CERS6: variants seen among roughly 807,000 people sequenced by gnomAD.
CERS6 encodes the protein LAG1 homolog, ceramide synthase 6.
A neutral mutation model predicts 56.8 loss-of-function variants in CERS6; 26 were observed. The observed-to-expected ratio is 0.46, with a 90% confidence interval of 0.34 to 0.63. The LOEUF (loss-of-function observed/expected upper bound fraction) is 0.63. Ranked by LOEUF, CERS6 falls within the 30% of genes least tolerant of loss-of-function variation. CERS6 has a pLI of 0.01. For missense variants in CERS6, 415 were observed against 467.5 expected (o/e 0.89, Z 1.04); for synonymous variants, 164 against 173.3 (o/e 0.95, Z 0.42).
At chr2:168,696,951 C>G (rs1007500119) in intron 6 of CERS6, among the ~76,000 whole-genome samples, 4 of 152,176 alleles carry the variant, frequency 2.6e-5, no homozygotes. Flanking sequence ...TAAGCAAAAT[C>G]AGTTCCTTTA....
At position 168,600,190 on chromosome 2, in the gene CERS6, TTCTCTCTC is replaced by T. The variant is rs10651781; in HGVS notation, c.408-30781_408-30774del. Among the ~76,000 whole-genome samples, 9 of 138,054 alleles carry T rather than the reference TTCTCTCTC, an allele frequency of 6.5e-5. No homozygotes were observed. The South Asian group carries it at 9.2e-4, about 14-fold the overall frequency. The allele number at this position is 138,054 out of a possible 152,430, so 90.6% of individuals were successfully genotyped here. On this transcript the variant is annotated intron_variant, in intron 3 of 9. Coordinates refer to ENST00000305747, the MANE Select transcript of CERS6 (RefSeq NM_203463.3). ...CTTATTATGCTGTAAACTACCATAT[TTCTCTCTC>T]TCTCTCTCTCTCTTTTTTTTTTTTT... is the stretch of plus-strand genomic sequence containing the variant.
chr2:168,695,243 G>A (rs771633148), intron 6 of CERS6, among the ~76,000 whole-genome samples, 192 bp downstream of exon 6: 13 of 151,914 alleles, frequency 8.6e-5, no homozygotes, highest in Admixed American at 1.3e-4. Context: ...TTGTTTCTTC[G>A]CTCATCCCCT....
intron 1 of CERS6, among the ~76,000 whole-genome samples, chr2:168,526,751 A>G (rs1197003540): frequency 1.3e-5 from 2 of 152,234 alleles, no homozygotes; most frequent in Non-Finnish European, 2.9e-5. Flanking sequence ...AGATGTTTCC[A>G]CACCCTGTGC....
At chr2:168,757,015 T>C (rs923871771) in intron 8 of CERS6, among the ~76,000 whole-genome samples, 1 of 152,200 alleles carries the variant, frequency 6.6e-6, no homozygotes, top group African/African-American at 2.4e-5. Flanking sequence ...TATTAACTAG[T>C]ATTAATGTTG....
chr2:168,727,846 A>T (rs1014313313), intron 8 of CERS6, among the ~76,000 whole-genome samples: 1 of 152,234 alleles, frequency 6.6e-6, no homozygotes, highest in Non-Finnish European at 1.5e-5. Flanking sequence ...GAAAGATTTG[A>T]AGGATGAAAC....
At chr2:168,686,301 A>G (rs1252996118) in intron 4 of CERS6, among the ~76,000 whole-genome samples, 3 of 151,238 alleles carry the variant, frequency 2.0e-5, no homozygotes, top group African/African-American at 4.9e-5. Flanking sequence ...CACCAACCCT[A>G]TTGGTTTAAG....
chr2:168,565,407 G>A (rs1312487252), intron 3 of CERS6, among the ~76,000 whole-genome samples: 3 of 152,158 alleles, frequency 2.0e-5, no homozygotes, highest in African/African-American at 7.2e-5. Context: ...CACATCCCTG[G>A]TTAAGAAGAA....
chr2:168,480,536 C>A (rs1218286468), intron 1 of CERS6, among the ~76,000 whole-genome samples: 1 of 152,120 alleles, frequency 6.6e-6, no homozygotes, highest in Non-Finnish European at 1.5e-5. Context: ...ATCTTAGTGG[C>A]AGAGCTAGCA....
In CERS6 at chr2:168,501,882, G is replaced by A. The variant is rs147562799; in HGVS notation, c.170+45264G>A. Among the ~76,000 whole-genome samples the A allele has an allele frequency of 3.2e-3, 487 of 152,274 alleles. 2 individuals are homozygous for A. Among genetic ancestry groups the A allele is most frequent in the African/African-American group, 0.01 (436 of 41,554 alleles). ...GATTTTCCTAGGTAGTATTTTGGCCGCCCGCAGACCTGTGGCTTATTGGCA... is the reference window on the plus strand; with the variant it reads ...GATTTTCCTAGGTAGTATTTTGGCCACCCGCAGACCTGTGGCTTATTGGCA... On this transcript the variant is annotated intron_variant, in intron 1 of 9. Coordinates refer to ENST00000305747, the MANE Select transcript of CERS6 (RefSeq NM_203463.3).
chr2:168,648,349 G>T (rs1468267169), intron 4 of CERS6, among the ~76,000 whole-genome samples: 1 of 152,050 alleles, frequency 6.6e-6, no homozygotes, highest in African/African-American at 2.4e-5. Flanking sequence ...TTTTATTTCT[G>T]TGGGGGTCAG....
At chr2:168,687,268 C>T (rs1686376243) in intron 4 of CERS6, among the ~76,000 whole-genome samples, 1 of 152,208 alleles carries the variant, frequency 6.6e-6, no homozygotes, top group Admixed American at 6.5e-5. Context: ...AGAAATAATT[C>T]ATTAATTCAT....
intron 1 of CERS6, among the ~76,000 whole-genome samples, chr2:168,532,212 C>A (rs1013833702): frequency 1.1e-4 from 17 of 152,126 alleles, no homozygotes; most frequent in African/African-American, 4.1e-4. Context: ...CTATCTCTGT[C>A]CCATTCCAGT....
At chr2:168,717,535 C>G (rs769289727) in intron 7 of CERS6, among the ~76,000 whole-genome samples, 4 of 152,190 alleles carry the variant, frequency 2.6e-5, no homozygotes, top group Admixed American at 2.0e-4. Flanking sequence ...CTCTGGCTTG[C>G]TAGTATCATC....
intron 4 of CERS6, among the ~76,000 whole-genome samples, chr2:168,671,346 A>G (rs776243985): frequency 1.3e-5 from 2 of 151,994 alleles, no homozygotes; most frequent in Non-Finnish European, 2.9e-5. Flanking sequence ...TTTTTATACC[A>G]CTTGTTAAAG....
Position 168,535,711 on chromosome 2 carries a change from A to C in CERS6, c.171-11885A>C, listed in dbSNP as rs1695251158. 2.5e-5 allele frequency among the ~76,000 whole-genome samples: 3 copies of C among 118,592 alleles called. No homozygotes were observed. In the Middle Eastern group the frequency reaches 0.017, roughly 666 times the overall value. 77.8% of individuals were successfully genotyped at this position (118,592 alleles called of 152,430 possible). On this transcript the variant is annotated intron_variant, in intron 1 of 9. Transcript: ENST00000305747. ...TTTGAATGAGGATGACCATCTTTTC[A>C]TATGTCTATTGGTCATTTGTTACTT...
rs201345537 is a variant in CERS6, at chr2:168,759,895, G to GTT, written c.846-5696_846-5695insTT. ...TAAAGCCAAAAGCTGTACGTTGTGT[G>GTT]TGTTTTTTTTTGTACATATGTGTTT... On this transcript the variant is annotated intron_variant, in intron 8 of 9. Coordinates refer to ENST00000305747, the MANE Select transcript of CERS6 (RefSeq NM_203463.3). 2.4e-3 allele frequency among the ~76,000 whole-genome samples: 353 copies of GTT among 146,112 alleles called. 1 individual carries two copies. The highest frequency in any genetic ancestry group is 8.5e-3 in the African/African-American group (338 of 39,804).
At chr2:168,465,978 A>G (rs1214207518) in intron 1 of CERS6, among the ~76,000 whole-genome samples, 1 of 150,656 alleles carries the variant, frequency 6.6e-6, no homozygotes, top group African/African-American at 2.4e-5. Context: ...CAAACATCCC[A>G]GTTCTGTTTA....
At chr2:168,594,742 T>G (rs1035712195) in intron 3 of CERS6, among the ~76,000 whole-genome samples, 1 of 152,136 alleles carries the variant, frequency 6.6e-6, no homozygotes, top group African/African-American at 2.4e-5. Flanking sequence ...TTTCTACTAT[T>G]CTTTCTCACG....
intron 2 of CERS6, among the ~76,000 whole-genome samples, chr2:168,557,693 T>C (rs557448157): frequency 6.6e-6 from 1 of 152,292 alleles, no homozygotes; most frequent in African/African-American, 2.4e-5. Flanking sequence ...AAAGGAAACC[T>C]GGGAGAATCT....
Sources: gnomAD v4.1 joint callset for allele counts (sites outside exome capture counted in the v4.1 genomes callset) on GRCh38, gnomAD v4.1.1 for gene constraint, MANE v1.5 for transcripts, NCBI Gene and HGNC (gene_info 2026-07-23, HGNC 2026-07-21) for gene names.